Variants in TYK2 observed in about 807,000 individuals in gnomAD.
TYK2 encodes the protein non-receptor tyrosine-protein kinase TYK2.
In TYK2, 65 loss-of-function variants were observed where a neutral mutation model predicts 130.9. The observed-to-expected ratio is 0.50, with a 90% confidence interval of 0.41 to 0.61. The LOEUF (loss-of-function observed/expected upper bound fraction) is 0.61, where lower values mean the gene tolerates loss of function less well. Among genes scored for constraint, TYK2 ranks in the 20% least tolerant of loss-of-function variants. The probability of loss-of-function intolerance (pLI) is 0.00; values close to 1 mark genes in which losing one functional copy is unlikely to be tolerated. For synonymous variants in TYK2, 647 were observed against 658.9 expected (o/e 0.98, Z 0.28); for missense variants, 1,378 against 1,610.7 (o/e 0.86, Z 2.47).
intron 2 of TYK2, among the ~76,000 whole-genome samples, chr19:10,378,679 C>T (rs1224365989): frequency 2.0e-5 from 3 of 152,188 alleles, no homozygotes; most frequent in African/African-American, 7.2e-5. Context: ...CAAATTGACA[C>T]AGATATAAAA....
At position 10,354,581 on chromosome 19, in the gene TYK2, C is replaced by T. The variant is rs184567726; in HGVS notation, c.2646G>A (p.Pro882=). Residue 882 remains proline, a synonymous_variant, in exon 19 of 25, where the codon CCG becomes CCA. Coordinates refer to ENST00000525621, the MANE Select transcript of TYK2 (RefSeq NM_003331.5). ...CCGTAGGGTCCGACGCCGGTGAGTC[C>T]GGGTTCACAGTCAAGACGTCAGCAA... The part of the protein sequence containing the change: ...HNLADVLTVN[P]DSPASDPTVF... 14 of 1,613,896 alleles carry T rather than the reference C, an allele frequency of 8.7e-6. No individual in the cohort carries two copies. The South Asian group carries it at 1.2e-4, about 14-fold the overall frequency.
chr19:10,372,799 G>A (rs2041973420), intron 3 of TYK2, among the ~76,000 whole-genome samples: 1 of 151,786 alleles, frequency 6.6e-6, no homozygotes, highest in Non-Finnish European at 1.5e-5. Flanking sequence ...CTTTGACTGT[G>A]TTATCAAATC....
At chr19:10,354,633 G>A in intron 18 of TYK2, 24 bp from the exon 19 acceptor site, 1 of 1,594,472 alleles carries the variant, frequency 6.3e-7, no homozygotes, top group Non-Finnish European at 8.6e-7. Context: ...GGTGGGTAAA[G>A]GCCTGACCCC....
Position 10,365,743 on chromosome 19 carries a change from G to A in TYK2, c.785C>T (p.Thr262Ile), listed in dbSNP as rs751960706. ...GAAGCGGGGTGCCAGCCGCTCGAGT[G>A]TGGCTAGGTATTTGACCATGACCAT... Reference protein sequence around the residue: ...QQMVMVKYLATLERLAPRFGT... With the variant: ...QQMVMVKYLAILERLAPRFGT... The change falls in exon 7 of 25, where the codon ACA (threonine) becomes ATA (isoleucine). Residue 262 changes from threonine to isoleucine, a missense_variant. Thr to Ile is a moderately conservative substitution (Grantham distance 89). Transcript: ENST00000525621. 2.7e-5 allele frequency: 43 copies of A among 1,612,930 alleles called. No homozygotes were observed. Among genetic ancestry groups the A allele is most frequent in the South Asian group, 1.1e-5 (1 of 91,064 alleles).
At chr19:10,357,716 T>TGGAGGGGCCCCCACTGCGG (rs1190316825) in intron 17 of TYK2, 48 bp downstream of exon 17, 24 of 1,560,294 alleles carry the variant, frequency 1.5e-5, no homozygotes, top group Non-Finnish European at 1.7e-5. Flanking sequence ...CTGGATTTCT[T>TGGAGGGGCCCCCACTGCGG]GGAGGGGCCC....
intron 3 of TYK2, among the ~76,000 whole-genome samples, chr19:10,368,976 T>G (rs1193905349): frequency 1.3e-5 from 2 of 151,894 alleles, no homozygotes; most frequent in Non-Finnish European, 2.9e-5. Flanking sequence ...CCCCGGCTAG[T>G]TTTTGTATTT....
At chr19:10,369,539 A>G (rs2145286291) in intron 3 of TYK2, among the ~76,000 whole-genome samples, 1 of 152,038 alleles carries the variant, frequency 6.6e-6, no homozygotes, top group East Asian at 1.9e-4. Context: ...CCAGTTCTTC[A>G]AACCAGGAAC....
rs1195086102 is a variant in TYK2 at position 10,355,030 on chromosome 19, TA to T, written c.2618-422del. Among the ~76,000 whole-genome samples, 840 of 131,162 alleles carry T rather than the reference TA, an allele frequency of 6.4e-3. 3 individuals carry two copies. Among genetic ancestry groups the T allele is most frequent in the African/African-American group, 0.01 (379 of 36,240 alleles). 86.0% of individuals were successfully genotyped at this position (131,162 alleles called of 152,430 possible). ...CTGGGCCACAGAGAGACACTGTCTT[TA>T]AAAAAAAAAAAAAGAAAGAAAGAAA... On this transcript the variant is annotated intron_variant, in intron 18 of 24. Coordinates refer to ENST00000525621, the MANE Select transcript of TYK2 (RefSeq NM_003331.5).
intron 3 of TYK2, among the ~76,000 whole-genome samples, chr19:10,369,061 G>C (rs2041803163): frequency 6.6e-6 from 1 of 152,066 alleles, no homozygotes. Flanking sequence ...TGCCCACCTT[G>C]GCCCCCCAAA....
At chr19:10,375,427 G>A (rs974052632) in intron 3 of TYK2, among the ~76,000 whole-genome samples, 6 of 151,590 alleles carry the variant, frequency 4.0e-5, no homozygotes, top group African/African-American at 1.5e-4. Flanking sequence ...AGACCAGCCT[G>A]GCCAACATGG....
At position 10,350,855 on chromosome 19, in the gene TYK2, A is replaced by AG. The variant is rs752557671; in HGVS notation, c.3542dup (p.Ser1182PhefsTer58). 6.2e-7 allele frequency: 1 copy of AG among 1,613,832 alleles called. No individual in the cohort carries two copies. ...TGCCTCAGCACACGCTGAACACTGA[A>AG]GGGGCCTGGCCTTGGTACTTCTCAT... On this transcript the variant is annotated frameshift_variant, in exon 25 of 25. Coordinates refer to ENST00000525621, the MANE Select transcript of TYK2 (RefSeq NM_003331.5). LOFTEE classifies it high-confidence loss of function.
Position 10,354,560 on chromosome 19 carries a change from A to G in TYK2, c.2667T>C (p.Pro889=), listed in dbSNP as rs888018264. The G allele has an allele frequency of 3.9e-5, 63 of 1,613,936 alleles. No individual in the cohort carries two copies. The highest frequency in any genetic ancestry group is 5.3e-5 in the Non-Finnish European group (63 of 1,180,036). ...TVNPDSPASD[P]TVFHKRYLKK... Reference sequence around the variant, plus strand: ...TCAAATAGCGCTTGTGGAAAACCGTAGGGTCCGACGCCGGTGAGTCCGGGT... The same window carrying G: ...TCAAATAGCGCTTGTGGAAAACCGTGGGGTCCGACGCCGGTGAGTCCGGGT... Residue 889 remains proline, a synonymous_variant, in exon 19 of 25, where the codon CCT becomes CCC. Coordinates refer to ENST00000525621, the MANE Select transcript of TYK2 (RefSeq NM_003331.5).
chr19:10,359,169 A>C lies in TYK2; in HGVS notation c.2175+6T>G. 1.2e-6 allele frequency: 2 copies of C among 1,601,596 alleles called. No individual in the cohort carries two copies. Among genetic ancestry groups the C allele is most frequent in the Non-Finnish European group, 1.7e-6 (2 of 1,179,840 alleles). On this transcript the variant is annotated splice_donor_region_variant and intron_variant, in intron 15 of 24. Transcript: ENST00000525621. ...CCGACCCAGGCCCCACACACAGGCC[A>C]CACACCAGGTAGCTGAGGGCGCTGG...
intron 22 of TYK2, 99 bp from the exon 23 acceptor site, chr19:10,352,650 G>A (rs1014210395): frequency 6.7e-6 from 5 of 749,368 alleles, no homozygotes; most frequent in Admixed American, 2.4e-5. Context: ...GACCCTCTGG[G>A]CTCAGTTGGG....
chr19:10,358,085 G>A lies in TYK2; in HGVS notation c.2229C>T (p.Ala743=). ...GNVCGRNILL[A]RLGLAEGTSP... ...TGGTGCCCTCTGCCAACCCCAGCCGGGCCAGCAGGATGTTCCGGCCACACA... is the reference window on the plus strand; with the variant it reads ...TGGTGCCCTCTGCCAACCCCAGCCGAGCCAGCAGGATGTTCCGGCCACACA... Residue 743 remains alanine (A), a synonymous_variant, in exon 16 of 25, where the codon GCC becomes GCT. Transcript: ENST00000525621. The A allele has an allele frequency of 1.2e-6, 2 of 1,612,804 alleles. No individual in the cohort carries two copies. Among genetic ancestry groups the A allele is most frequent in the Non-Finnish European group, 1.7e-6 (2 of 1,179,740 alleles).
At chr19:10,375,474 C>T (rs2042080211) in intron 3 of TYK2, among the ~76,000 whole-genome samples, 3 of 151,778 alleles carry the variant, frequency 2.0e-5, no homozygotes, top group Admixed American at 1.3e-4. Context: ...AAAAACTAGC[C>T]GGGCGTGGGG....
Position 10,353,135 on chromosome 19 carries a change from C to A in TYK2, c.3028-37G>T. On this transcript the variant is annotated intron_variant, in intron 21 of 24. Transcript: ENST00000525621. This position sits in a 1 kb window ranked among gnomAD's most constrained non-coding sequence, Gnocchi z 6.9. ...GCAGGGCTCGTGAGTTTCAGTGGGG[C>A]GGGGTTCGGCCGGGGGCGGCGGCAG... 6.9e-7 allele frequency: 1 copy of A among 1,448,128 alleles called. No homozygotes were observed. The highest frequency in any genetic ancestry group is 2.5e-5 in the East Asian group (1 of 40,072). 89.7% of individuals were successfully genotyped at this position (1,448,128 alleles called of 1,614,324 possible).
chr19:10,373,187 C>G (rs2041989583), intron 3 of TYK2, among the ~76,000 whole-genome samples: 1 of 151,726 alleles, frequency 6.6e-6, no homozygotes, highest in Non-Finnish European at 1.5e-5. Context: ...CAGGCGCCCG[C>G]CACCACGCCC....
chr19:10,356,788 G>A (rs1472546696), intron 17 of TYK2, 70 bp from the exon 18 acceptor site: 2 of 1,523,490 alleles, frequency 1.3e-6, no homozygotes, highest in Non-Finnish European at 1.8e-6. Context: ...AAGAGGCAGA[G>A]TCAAGTCCCC....
Sources: gnomAD v4.1 joint callset for allele counts (sites outside exome capture counted in the v4.1 genomes callset) on GRCh38, gnomAD v4.1.1 for gene constraint, Gnocchi (gnomAD v3.1) non-coding constraint, MANE v1.5 for transcripts, NCBI Gene and HGNC (gene_info 2026-07-23, HGNC 2026-07-21) for gene names.